KCNC4: variants seen among roughly 807,000 people sequenced by gnomAD.
KCNC4 encodes the protein voltage-gated potassium channel KCNC4.
KCNC4 carries 23 observed loss-of-function variants against 42.8 expected under a neutral mutation model. That is an observed-to-expected ratio of 0.54 (90% confidence interval 0.39 to 0.76). The LOEUF (loss-of-function observed/expected upper bound fraction) is 0.76, where lower values mean the gene tolerates loss of function less well. Ranked by LOEUF, KCNC4 falls within the 30% of genes least tolerant of loss-of-function variation. KCNC4 has a pLI of 0.00. For missense variants in KCNC4, 751 were observed against 898.2 expected, an observed-to-expected ratio of 0.84 and a Z score of 2.10; for synonymous variants, 422 against 393.5, an observed-to-expected ratio of 1.07 and a Z score of -0.86.
In KCNC4 at chr1:110,212,194, C is replaced by G. The variant is rs775676068; in HGVS notation, c.678+17C>G. The stretch of plus-strand genomic sequence containing the variant: ...GCCGCTAGGGTGAGTGGCAGGAGCC[C>G]GTGTCTCCCCATCTTGGGTCTGCAA... On this transcript the variant is annotated intron_variant, in intron 1 of 3. Transcript: ENST00000438661. 1.4e-6 allele frequency: 2 copies of G among 1,457,534 alleles called. No individual in the cohort carries two copies. The highest frequency in any genetic ancestry group is 2.9e-5 in the Admixed American group (1 of 34,814). The allele number at this position is 1,457,534 out of a possible 1,614,324, so 90.3% of individuals were successfully genotyped here.
intron 1 of KCNC4, among the ~76,000 whole-genome samples, chr1:110,278,299 T>C (rs1208774728): frequency 1.3e-5 from 2 of 152,080 alleles, no homozygotes; most frequent in African/African-American, 2.4e-5. Flanking sequence ...TATCCATAGA[T>C]TGAGATGATA....
chr1:110,234,327 G>C (rs1183899784), downstream of KCNC4: 1 of 152,124 alleles, frequency 6.6e-6, no homozygotes, highest in African/African-American at 2.4e-5. Context: ...TGGAAGAAAA[G>C]ACTGTTCTTT....
rs1408470040 is a variant in KCNC4, at chr1:110,210,365, G to A, written c.-1135G>A. On this transcript the variant is annotated 5_prime_UTR_variant, in exon 1 of 4. The change abolishes the stop of an existing upstream ORF in the 5' untranslated region. Transcript: ENST00000438661. ...GCCGGAGGGAGACCATGAGCCCCTA[G>A]GGCCCCAGCCCACCGGCGCCGAGGC... Among the ~76,000 whole-genome samples, 2 of 151,660 alleles carry A rather than the reference G, an allele frequency of 1.3e-5. No homozygotes were observed. The highest frequency in any genetic ancestry group is 2.9e-5 in the Non-Finnish European group (2 of 67,848).
At chr1:110,267,805 C>G (rs1002716847) in intron 1 of KCNC4, among the ~76,000 whole-genome samples, 1 of 152,176 alleles carries the variant, frequency 6.6e-6, no homozygotes, top group Non-Finnish European at 1.5e-5. Context: ...TTTGCTTATT[C>G]TAGTCTGGAG....
intron 1 of KCNC4, among the ~76,000 whole-genome samples, chr1:110,270,003 A>T (rs1031565231): frequency 6.6e-6 from 1 of 152,224 alleles, no homozygotes; most frequent in African/African-American, 2.4e-5. Flanking sequence ...TACACAGAAT[A>T]TATCAGGGTA....
exon 4 of KCNC4, chr1:110,241,793 T>C (rs1202293818): frequency 6.6e-6 from 1 of 152,226 alleles, no homozygotes; most frequent in Non-Finnish European, 1.5e-5. Context: ...CTCTGTCCTT[T>C]ATGCTCTCAC....
chr1:110,236,132 T>G (rs1433228093), downstream of KCNC4: 1 of 152,242 alleles, frequency 6.6e-6, no homozygotes, highest in African/African-American at 2.4e-5. Flanking sequence ...ACTGAAGTCC[T>G]TAGTCCTTAT....
chr1:110,261,431 A>G (rs533121462), intron 1 of KCNC4, among the ~76,000 whole-genome samples: 1 of 152,348 alleles, frequency 6.6e-6, no homozygotes, highest in South Asian at 2.1e-4. Context: ...TCTGCTATAT[A>G]TTTGATTTAA....
Position 110,269,340 on chromosome 1 carries a change from C to T in KCNC4, n.31-13194C>T, listed in dbSNP as rs759622842. 3.3e-5 allele frequency among the ~76,000 whole-genome samples: 5 copies of T among 152,210 alleles called. 1 individual carries two copies. Among genetic ancestry groups the T allele is most frequent in the Non-Finnish European group, 7.3e-5 (5 of 68,032 alleles). On this transcript the variant is annotated intron_variant and non_coding_transcript_variant, in intron 1 of 2. Transcript: ENST00000412512. ...CTTTAAAGCCAACAACTTCCCCCAT[C>T]GCCAGCTTCTCACAACCACCAATCT...
Position 110,210,437 on chromosome 1 carries a change from G to C in KCNC4, c.-1063G>C, listed in dbSNP as rs1657368524. 6.6e-6 allele frequency among the ~76,000 whole-genome samples: 1 copy of C among 151,554 alleles called. No individual in the cohort carries two copies. Among genetic ancestry groups the C allele is most frequent in the African/African-American group, 2.4e-5 (1 of 41,370 alleles). ...CGCGCCCGCCCCCTGCCGCGCGCGA[G>C]CCAAGGCCGGCGCCCCGCCCGGAGA... On this transcript the variant is annotated 5_prime_UTR_variant, in exon 1 of 4. Coordinates refer to ENST00000438661, the MANE Select transcript of KCNC4 (RefSeq NM_001039574.3).
chr1:110,240,605 G>C (rs1251005755), exon 4 of KCNC4: 1 of 152,424 alleles, frequency 6.6e-6, no homozygotes, highest in African/African-American at 2.4e-5. Context: ...CCCGGCACAG[G>C]CCTGCCAGCT....
chr1:110,281,329 C>T (rs1028357289), intron 1 of KCNC4, among the ~76,000 whole-genome samples: 4 of 152,086 alleles, frequency 2.6e-5, no homozygotes, highest in African/African-American at 9.7e-5. Flanking sequence ...TGGGGCCACC[C>T]TACACCTGTT....
intron 1 of KCNC4, among the ~76,000 whole-genome samples, chr1:110,258,819 G>GC (rs1659378642): frequency 6.6e-6 from 1 of 152,116 alleles, no homozygotes; most frequent in Non-Finnish European, 1.5e-5. Flanking sequence ...ATCCTCCAAG[G>GC]CACTGATGAG....
At chr1:110,273,661 G>A (rs1659671965) in intron 1 of KCNC4, among the ~76,000 whole-genome samples, 1 of 152,260 alleles carries the variant, frequency 6.6e-6, no homozygotes, top group Non-Finnish European at 1.5e-5. Context: ...AGGCTAAGGA[G>A]CATTGAGGAA....
intron 1 of KCNC4, among the ~76,000 whole-genome samples, chr1:110,277,503 T>C (rs1156571664): frequency 2.0e-5 from 3 of 152,204 alleles, no homozygotes; most frequent in African/African-American, 7.2e-5. Flanking sequence ...CCTCTCTAGA[T>C]GAAACTTAGG....
rs1467550821 is a variant in KCNC4, at chr1:110,266,123, T to A, written n.31-16411T>A. Among the ~76,000 whole-genome samples the A allele has an allele frequency of 2.0e-5, 3 of 152,068 alleles. No homozygotes were observed. In the East Asian group the frequency reaches 5.8e-4, roughly 29 times the overall value. On this transcript the variant is annotated intron_variant and non_coding_transcript_variant, in intron 1 of 2. Coordinates refer to the KCNC4 transcript ENST00000412512. The stretch of plus-strand genomic sequence containing the variant: ...TTCTGCTTAAGTACAATTCACCCAA[T>A]TCCCCCGACAGCTCTGGAAATAGGG...
intron 1 of KCNC4, among the ~76,000 whole-genome samples, chr1:110,267,778 A>G (rs1036323455): frequency 6.6e-6 from 1 of 152,152 alleles, no homozygotes; most frequent in Non-Finnish European, 1.5e-5. Flanking sequence ...TTCTAACCTC[A>G]CAGGCTAAAT....
intron 1 of KCNC4, among the ~76,000 whole-genome samples, chr1:110,218,748 C>A (rs1657938810): frequency 1.3e-5 from 2 of 152,144 alleles, no homozygotes; most frequent in African/African-American, 2.4e-5. Flanking sequence ...CAACTTGAAC[C>A]CAGAAGTGTG....
intron 1 of KCNC4, chr1:110,221,537 C>T (rs1271444266): frequency 6.6e-6 from 1 of 152,256 alleles, no homozygotes; most frequent in Non-Finnish European, 1.5e-5. Context: ...TCCCAGGTCC[C>T]CTTGTATTCT....
Sources: gnomAD v4.1 joint callset for allele counts (sites outside exome capture counted in the v4.1 genomes callset) on GRCh38, gnomAD v4.1.1 for gene constraint, MANE v1.5 for transcripts, NCBI Gene and HGNC (gene_info 2026-07-23, HGNC 2026-07-21) for gene names.